The following BRDT variants were observed in gnomAD, a reference collection of about 807,000 sequenced individuals.
BRDT encodes the protein bromodomain testis associated.
In BRDT, 77 loss-of-function variants were observed where a neutral mutation model predicts 113.9. The observed-to-expected ratio is 0.68, with a 90% confidence interval of 0.56 to 0.82. The LOEUF is 0.82. BRDT is among the 40% of genes least tolerant of loss of function. The pLI is 0.00. For missense variants in BRDT, 1,027 were observed against 1,105.4 expected (o/e 0.93, Z 1.01); for synonymous variants, 358 against 366.5 (o/e 0.98, Z 0.26).
In BRDT at chr1:91,977,357, CGTT is replaced by C; in HGVS notation, c.936_938del (p.Val313del). 3 of 1,596,554 alleles carry C rather than the reference CGTT, an allele frequency of 1.9e-6. No individual in the cohort carries two copies. Among genetic ancestry groups the C allele is most frequent in the Non-Finnish European group, 2.6e-6 (3 of 1,173,014 alleles). On this transcript the variant is annotated inframe_deletion, in exon 6 of 19. Coordinates refer to ENST00000399546, the MANE Select transcript of BRDT (RefSeq NM_207189.4). The stretch of plus-strand genomic sequence containing the variant: ...CTTTGGGACTCCATAACTACTATGA[CGTT>C]GTCAAAAATCCGATGGATCTTGGAA...
chr1:91,967,713 A>G (rs1240229397), intron 3 of BRDT, among the ~76,000 whole-genome samples: 1 of 152,090 alleles, frequency 6.6e-6, no homozygotes, highest in Non-Finnish European at 1.5e-5. Flanking sequence ...TTGTATTTTT[A>G]GTAGAGACAG....
intron 18 of BRDT, among the ~76,000 whole-genome samples, chr1:92,006,152 G>A (rs559395071): frequency 6.6e-6 from 1 of 152,208 alleles, no homozygotes; most frequent in African/African-American, 2.4e-5. Flanking sequence ...CTGGCTTATG[G>A]TCTACTTTGG....
At chr1:91,995,074 G>C (rs1386208943) in intron 15 of BRDT, among the ~76,000 whole-genome samples, 1 of 151,952 alleles carries the variant, frequency 6.6e-6, no homozygotes, top group African/African-American at 2.4e-5. Flanking sequence ...TTATCAGAAG[G>C]GAAAGTTTTG....
intron 12 of BRDT, among the ~76,000 whole-genome samples, chr1:91,990,729 G>T (rs1240428076): frequency 6.6e-6 from 1 of 152,098 alleles, no homozygotes; most frequent in African/African-American, 2.4e-5. Context: ...TTCAAGGAGG[G>T]TGAAAACCTG....
chr1:91,995,066 A>C (rs1686173685), intron 15 of BRDT, among the ~76,000 whole-genome samples: 1 of 152,070 alleles, frequency 6.6e-6, no homozygotes, highest in African/African-American at 2.4e-5. Context: ...TTAATATCTT[A>C]TCAGAAGGGA....
Position 91,992,447 on chromosome 1 carries a change from CA to C in BRDT, c.2115+134del, listed in dbSNP as rs374775685. ...AAAAAAAAACCACAGCAAGTATATT[CA>C]GAGAAATATGGAAGCTGAGGGTATT... is the stretch of plus-strand genomic sequence containing the variant. On this transcript the variant is annotated intron_variant, in intron 14 of 18. Transcript: ENST00000399546. The C allele has an allele frequency of 2.0e-3, 1,183 of 596,772 alleles. 4 individuals are homozygous for C. The highest frequency in any genetic ancestry group is 3.0e-3 in the South Asian group (114 of 38,522). 37.0% of individuals were successfully genotyped at this position (596,772 alleles called of 1,614,324 possible). A position where few individuals can be genotyped will look rare whatever the true frequency, so the allele number is the denominator to read the frequency against.
At chr1:91,978,144 T>C (rs1177743678) in intron 6 of BRDT, 24 bp from the exon 7 acceptor site, 7 of 1,593,898 alleles carry the variant, frequency 4.4e-6, no homozygotes, top group East Asian at 2.2e-5. Context: ...TATTTGTGAA[T>C]CCTGTAGTTT....
intron 1 of BRDT, among the ~76,000 whole-genome samples, chr1:91,956,499 A>C (rs1681784368): frequency 6.6e-6 from 1 of 152,212 alleles, no homozygotes; most frequent in Admixed American, 6.5e-5. Context: ...TCCTAGCCAC[A>C]TGTGGCTATT....
intron 1 of BRDT, among the ~76,000 whole-genome samples, chr1:91,960,403 A>G (rs1034654548): frequency 6.6e-6 from 1 of 152,238 alleles, no homozygotes; most frequent in African/African-American, 2.4e-5. Context: ...ACATGGATGA[A>G]TCTTGAGGGC....
intron 3 of BRDT, among the ~76,000 whole-genome samples, chr1:91,966,438 C>T (rs1683068214): frequency 6.6e-6 from 1 of 152,114 alleles, no homozygotes; most frequent in Non-Finnish European, 1.5e-5. Flanking sequence ...CACTGTGTTG[C>T]CTAGGCTGGA....
chr1:91,980,141 T>C (rs2101669879), intron 8 of BRDT, among the ~76,000 whole-genome samples: 1 of 152,288 alleles, frequency 6.6e-6, no homozygotes, highest in Non-Finnish European at 1.5e-5. Context: ...GCACCGTGGC[T>C]CACGCCTGTA....
chr1:91,968,305 C>A, intron 4 of BRDT, 45 bp downstream of exon 4: 1 of 1,595,144 alleles, frequency 6.3e-7, no homozygotes, highest in Non-Finnish European at 8.5e-7. Flanking sequence ...TCTTTTTTTC[C>A]CCTATCTATC....
chr1:91,977,418 A>T, intron 6 of BRDT, 25 bp downstream of exon 6: 1 of 1,429,516 alleles, frequency 7.0e-7, no homozygotes, highest in Non-Finnish European at 9.3e-7. Context: ...AAAAGGAAGA[A>T]CTTCTTTTTC....
intron 4 of BRDT, among the ~76,000 whole-genome samples, chr1:91,975,783 C>T (rs542044235): frequency 8.5e-5 from 13 of 152,286 alleles, no homozygotes; most frequent in East Asian, 1.9e-4. Context: ...GGCAGAAGAA[C>T]GTGACAATTG....
rs1887812 is a variant in BRDT at position 91,949,436 on chromosome 1, T to C, written c.-284T>C. 0.7 allele frequency: 105,942 copies of C among 152,138 alleles called. 38,489 individuals carry two copies. The highest frequency in any genetic ancestry group is 0.82 in the Middle Eastern group (240 of 294). 9.4% of individuals were successfully genotyped at this position (152,138 alleles called of 1,614,324 possible). A position where few individuals can be genotyped will look rare whatever the true frequency, so the allele number is the denominator to read the frequency against. On this transcript the variant is annotated 5_prime_UTR_variant, in exon 1 of 19. Transcript: ENST00000399546. The stretch of plus-strand genomic sequence containing the variant: ...CTGGCGGCGAGGAACTGCGGAGAAC[T>C]GTTGCCCTGCACCGCTTCATTTTGT...
chr1:91,950,652 T>G (rs943577168), intron 1 of BRDT: 1 of 143,060 alleles, frequency 7.0e-6, no homozygotes, highest in African/African-American at 2.5e-5. Context: ...TGGATGTATG[T>G]ACACCGAGTA....
intron 1 of BRDT, among the ~76,000 whole-genome samples, chr1:91,958,624 G>A (rs1465365413): frequency 1.3e-5 from 2 of 152,062 alleles, no homozygotes; most frequent in Non-Finnish European, 2.9e-5. Context: ...TCAAGTTTTG[G>A]CAATTATGAA....
chr1:91,976,376 A>C lies in BRDT; in HGVS notation c.556A>C (p.Ile186Leu), dbSNP rs146583513. The C allele has an allele frequency of 6.2e-7, 1 of 1,612,252 alleles. No individual in the cohort carries two copies. Among genetic ancestry groups the C allele is most frequent in the Non-Finnish European group, 8.5e-7 (1 of 1,179,360 alleles). ...TCCTTCTGTATTTCCTAAGACATCT[A>C]TTTCTCCCTTGAACGTGGTACAGGG... ...EIPSVFPKTS[I>L]SPLNVVQGAS... The change falls in exon 5 of 19, where the codon ATT becomes CTT. Residue 186 changes from isoleucine (I) to leucine (L), a missense_variant. By Grantham distance (5) the Ile-to-Leu change is conservative. Coordinates refer to ENST00000399546, the MANE Select transcript of BRDT (RefSeq NM_207189.4).
chr1:92,002,447 T>A (rs1686948052), intron 16 of BRDT, among the ~76,000 whole-genome samples: 1 of 152,104 alleles, frequency 6.6e-6, no homozygotes, highest in Admixed American at 6.6e-5. Flanking sequence ...CACTGCAACC[T>A]CTGCCTCCCA....
Sources: allele counts gnomAD v4.1 joint callset (sites outside exome capture counted in the v4.1 genomes callset), GRCh38; gene constraint gnomAD v4.1.1; transcripts MANE v1.5; gene names NCBI Gene and HGNC (gene_info 2026-07-23, HGNC 2026-07-21).